Variants in CPEB2 observed in about 807,000 individuals in gnomAD.
CPEB2 encodes the protein cytoplasmic polyadenylation element binding protein 2.
Under a neutral mutation model 93.6 loss-of-function variants are expected in CPEB2, and 56 were observed. That is an observed-to-expected ratio of 0.60 (90% CI 0.48 to 0.75). CPEB2 has a LOEUF of 0.75. CPEB2 is among the 30% of genes least tolerant of loss of function. CPEB2 has a pLI of 0.00. For missense variants in CPEB2, 1,579 were observed against 1,395.1 expected (o/e 1.13, Z -2.10); for synonymous variants, 764 against 586.3 (o/e 1.30, Z -4.38).
chr4:15,038,948 G>T (rs1012125134), intron 5 of CPEB2, among the ~76,000 whole-genome samples: 1 of 152,074 alleles, frequency 6.6e-6, no homozygotes, highest in Non-Finnish European at 1.5e-5. Flanking sequence ...TTTTTCAGTT[G>T]ATCTCCCATC....
rs1279239121 is a variant in CPEB2 at position 15,070,089 on chromosome 4, T to TTAAG, written c.*3713_*3716dup. The TTAAG allele has an allele frequency of 6.6e-6, 1 of 152,322 alleles. No individual in the cohort carries two copies. The highest frequency in any genetic ancestry group is 1.5e-5 in the Non-Finnish European group (1 of 67,866). The allele number at this position is 152,322 out of a possible 1,614,324, so 9.4% of individuals were successfully genotyped here. On this transcript the variant is annotated 3_prime_UTR_variant, in exon 12 of 12. Coordinates refer to ENST00000538197, the MANE Select transcript of CPEB2 (RefSeq NM_001177382.2). ...AATAGTTTGCTGCCAACTATTTATA[T>TTAAG]TAAGTAATTTTTAAATATTTGTAAT... is the stretch of plus-strand genomic sequence containing the variant.
At chr4:15,024,767 T>C (rs998835662) in intron 4 of CPEB2, among the ~76,000 whole-genome samples, 2 of 141,236 alleles carry the variant, frequency 1.4e-5, no homozygotes, top group African/African-American at 2.7e-5. Context: ...TTTTTTGAGA[T>C]GGGAGTCTTG....
At chr4:15,044,608 C>T (rs1394753839) in intron 6 of CPEB2, among the ~76,000 whole-genome samples, 4 of 152,080 alleles carry the variant, frequency 2.6e-5, no homozygotes, top group East Asian at 1.9e-4. Flanking sequence ...ATTTTTAAGC[C>T]GTTAGTGTGT....
Position 15,004,014 on chromosome 4 carries a change from C to T in CPEB2, c.1341C>T (p.Asn447=), listed in dbSNP as rs781404468. The T allele has an allele frequency of 3.2e-6, 5 of 1,553,610 alleles. No homozygotes were observed. Among genetic ancestry groups the T allele is most frequent in the Non-Finnish European group, 4.3e-6 (5 of 1,152,778 alleles). Residue 447 remains asparagine (N), a synonymous_variant, in exon 1 of 12, where the codon AAC becomes AAT. Transcript: ENST00000538197. ...AMPPPSPDSE[N]GFYPGLPSSM... Reference sequence around the variant, plus strand: ...CGCCGCCCAGCCCCGACTCAGAGAACGGCTTCTACCCCGGGCTGCCGTCGT... The same window carrying T: ...CGCCGCCCAGCCCCGACTCAGAGAATGGCTTCTACCCCGGGCTGCCGTCGT...
intron 4 of CPEB2, among the ~76,000 whole-genome samples, chr4:15,021,842 T>C (rs1724849765): frequency 6.6e-6 from 1 of 152,178 alleles, no homozygotes; most frequent in Non-Finnish European, 1.5e-5. Context: ...CTCCTATTTT[T>C]TAAGACTCCT....
chr4:15,035,936 C>T (rs1726558933), intron 5 of CPEB2, among the ~76,000 whole-genome samples: 1 of 152,156 alleles, frequency 6.6e-6, no homozygotes, highest in African/African-American at 2.4e-5. Context: ...ATAAAACATA[C>T]TGTTACAATT....
rs1729716451 is a variant in CPEB2, at chr4:15,066,481, G to A, written c.*101G>A. 1 of 818,634 alleles carries A rather than the reference G, an allele frequency of 1.2e-6. No individual in the cohort carries two copies. The allele number at this position is 818,634 out of a possible 1,614,324, so 50.7% of individuals were successfully genotyped here. A position where few individuals can be genotyped will look rare whatever the true frequency, so the allele number is the denominator to read the frequency against. On this transcript the variant is annotated 3_prime_UTR_variant, in exon 12 of 12. Coordinates refer to ENST00000538197, the MANE Select transcript of CPEB2 (RefSeq NM_001177382.2). ...GCAGAAGAAATAAGTGCATTCTTCT[G>A]CTTTTCACCCCAGCTATCAATACAT...
Position 15,046,075 on chromosome 4 carries a change from T to C in CPEB2, c.2200+5588T>C, listed in dbSNP as rs1175279021. Reference sequence around the variant, plus strand: ...CTTCCATGAATATTTTTGTACCTTTTTGTATGTGGGTGGACATGAGCACTC... The same window carrying C: ...CTTCCATGAATATTTTTGTACCTTTCTGTATGTGGGTGGACATGAGCACTC... On this transcript the variant is annotated intron_variant, in intron 6 of 11. Coordinates refer to ENST00000538197, the MANE Select transcript of CPEB2 (RefSeq NM_001177382.2). 2.0e-5 allele frequency among the ~76,000 whole-genome samples: 3 copies of C among 152,248 alleles called. No individual in the cohort carries two copies. The East Asian group carries it at 5.8e-4, about 29-fold the overall frequency.
Position 15,068,980 on chromosome 4 carries a change from T to TTAAGACATTGGAGGTTAAAAAA in CPEB2, c.*2601_*2602insAAGACATTGGAGGTTAAAAAAT, listed in dbSNP as rs918365789. Reference sequence around the variant, plus strand: ...TAACTTTTAAACACTGTATTGGAGGTTTTTTTTTAATTTACAGATCATATT... The same window carrying TTAAGACATTGGAGGTTAAAAAA: ...TAACTTTTAAACACTGTATTGGAGGTTAAGACATTGGAGGTTAAAAAATTTTTTTTAATTTACAGATCATATT... On this transcript the variant is annotated 3_prime_UTR_variant, in exon 12 of 12. Coordinates refer to ENST00000538197, the MANE Select transcript of CPEB2 (RefSeq NM_001177382.2). 5.7e-5 allele frequency: 3 copies of TTAAGACATTGGAGGTTAAAAAA among 52,348 alleles called. No individual in the cohort carries two copies. The highest frequency in any genetic ancestry group is 1.2e-4 in the African/African-American group (3 of 24,676). The allele number at this position is 52,348 out of a possible 1,614,324, so 3.2% of individuals were successfully genotyped here. A position where few individuals can be genotyped will look rare whatever the true frequency, so the allele number is the denominator to read the frequency against.
chr4:15,010,003 T>A (rs899094242), intron 3 of CPEB2, among the ~76,000 whole-genome samples: 12 of 152,202 alleles, frequency 7.9e-5, no homozygotes, highest in Non-Finnish European at 1.5e-5. Context: ...AAGATAAACT[T>A]ATCTGGTAAA....
intron 8 of CPEB2, among the ~76,000 whole-genome samples, chr4:15,057,418 C>T (rs1728817120): frequency 6.6e-6 from 1 of 152,128 alleles, no homozygotes; most frequent in Non-Finnish European, 1.5e-5. Flanking sequence ...TTCAGTAAAA[C>T]ATGACCTTAC....
intron 3 of CPEB2, 34 bp downstream of exon 3, chr4:15,008,461 G>T (rs369684904): frequency 6.9e-7 from 1 of 1,439,284 alleles, no homozygotes; most frequent in Non-Finnish European, 9.7e-7. Flanking sequence ...TTAGGATTTC[G>T]GTTAGGAGTT....
chr4:15,033,020 T>C, intron 4 of CPEB2, 141 bp from the exon 5 acceptor site: 1 of 571,022 alleles, frequency 1.8e-6, no homozygotes, highest in East Asian at 3.2e-5. Context: ...TAGTTGAACA[T>C]AAGCTTTTTA....
At chr4:15,026,838 T>A (rs1725528754) in intron 4 of CPEB2, among the ~76,000 whole-genome samples, 1 of 152,210 alleles carries the variant, frequency 6.6e-6, no homozygotes, top group African/African-American at 2.4e-5. Flanking sequence ...AATTAGCTTT[T>A]TCTGTGTTTA....
chr4:15,004,367 G>A, intron 1 of CPEB2, 32 bp downstream of exon 1: 2 of 1,397,200 alleles, frequency 1.4e-6, no homozygotes, highest in South Asian at 1.5e-5. Context: ...CCGCGCCGCG[G>A]GACCGGGAGA....
Position 15,007,593 on chromosome 4 carries a change from A to C in CPEB2, c.1944+7A>C. The C allele has an allele frequency of 6.5e-7, 1 of 1,528,168 alleles. No individual in the cohort carries two copies. Among genetic ancestry groups the C allele is most frequent in the Non-Finnish European group, 8.9e-7 (1 of 1,124,162 alleles). The allele number at this position is 1,528,168 out of a possible 1,614,324, so 94.7% of individuals were successfully genotyped here. A position where few individuals can be genotyped will look rare whatever the true frequency, so the allele number is the denominator to read the frequency against. ...TACACTCTTACCCTTACAGGTAAGA[A>C]TGGTATGTAAATGACCTTATCTCTA... On this transcript the variant is annotated splice_region_variant and intron_variant, in intron 2 of 11. Coordinates refer to ENST00000538197, the MANE Select transcript of CPEB2 (RefSeq NM_001177382.2).
Position 15,003,389 on chromosome 4 carries a change from T to G in CPEB2, c.716T>G (p.Leu239Arg). ...CAGCCGCCGCAGCAGTTCAGCCTCCTGCATCAGCAGCACCTCTCGCCGCAG... is the reference window on the plus strand; with the variant it reads ...CAGCCGCCGCAGCAGTTCAGCCTCCGGCATCAGCAGCACCTCTCGCCGCAG... Reference protein sequence around the residue: ...QQQPPQQFSLLHQQHLSPQDF... With the variant: ...QQQPPQQFSLRHQQHLSPQDF... Residue 239 changes from leucine (L) to arginine (R), a missense_variant, in exon 1 of 12, where the codon CTG (leucine) becomes CGG (arginine). Physicochemically the swap from Leu to Arg is moderately radical, Grantham distance 102. This residue lies in a region of CPEB2 where 1,411 missense variants were observed against 1,056.0 expected (regional missense o/e 1.34). Transcript: ENST00000538197. 7.3e-7 allele frequency: 1 copy of G among 1,375,746 alleles called. No individual in the cohort carries two copies. Among genetic ancestry groups the G allele is most frequent in the Non-Finnish European group, 9.3e-7 (1 of 1,076,120 alleles). The allele number at this position is 1,375,746 out of a possible 1,614,324, so 85.2% of individuals were successfully genotyped here.
At chr4:15,048,227 T>TA (rs1221685569) in intron 6 of CPEB2, among the ~76,000 whole-genome samples, 7 of 151,760 alleles carry the variant, frequency 4.6e-5, no homozygotes, top group Admixed American at 4.6e-4. Flanking sequence ...ATTGCACTTG[T>TA]AAAAAAAAGT....
At chr4:15,017,359 C>A in intron 4 of CPEB2, 81 bp downstream of exon 4, 1 of 654,282 alleles carries the variant, frequency 1.5e-6, no homozygotes, top group Admixed American at 2.8e-5. Context: ...GAAAGTGAAA[C>A]CTAAGTAGCA....
Sources: gnomAD v4.1 joint callset for allele counts (sites outside exome capture counted in the v4.1 genomes callset) on GRCh38, gnomAD v4.1.1 for gene constraint, gnomAD v4.1.1 regional missense constraint, MANE v1.5 for transcripts, NCBI Gene and HGNC (gene_info 2026-07-23, HGNC 2026-07-21) for gene names.